The following ADAMTSL3 variants were observed in gnomAD, a reference collection of about 807,000 sequenced individuals.
ADAMTSL3 encodes ADAMTS like 3, also known as ADAMTS-like protein 3.
In ADAMTSL3, 128 loss-of-function variants were observed where a neutral mutation model predicts 201.7. That is an observed-to-expected ratio of 0.63 (90% confidence interval 0.55 to 0.73). ADAMTSL3 has a LOEUF of 0.73. Ranked by LOEUF, ADAMTSL3 falls within the 30% of genes least tolerant of loss-of-function variation. The pLI, the probability that ADAMTSL3 is intolerant of heterozygous loss-of-function variation, is 0.00. For missense variants in ADAMTSL3, 1,990 were observed against 2,119.6 expected, an observed-to-expected ratio of 0.94 and a Z score of 1.20; for synonymous variants, 738 against 748.4, an observed-to-expected ratio of 0.99 and a Z score of 0.23.
intron 3 of ADAMTSL3, among the ~76,000 whole-genome samples, chr15:83,769,167 A>G (rs2062938338): frequency 6.6e-6 from 1 of 152,120 alleles, no homozygotes; most frequent in African/African-American, 2.4e-5. Context: ...AACTGAACAG[A>G]TGGAATAGTG....
intron 3 of ADAMTSL3, among the ~76,000 whole-genome samples, chr15:83,749,990 C>T (rs1273256093): frequency 1.3e-5 from 2 of 152,194 alleles, no homozygotes; most frequent in African/African-American, 2.4e-5. Context: ...CCTTCAACTG[C>T]GTGCTCATTG....
intron 4 of ADAMTSL3, among the ~76,000 whole-genome samples, chr15:83,786,913 G>A (rs961487907): frequency 1.3e-5 from 2 of 151,978 alleles, no homozygotes; most frequent in Non-Finnish European, 2.9e-5. Context: ...TTTTGAGAAG[G>A]GATAATGACT....
intron 15 of ADAMTSL3, 121 bp downstream of exon 15, chr15:83,899,852 A>C: frequency 7.6e-7 from 1 of 1,310,488 alleles, no homozygotes; most frequent in Non-Finnish European, 1.0e-6. Context: ...GGATTTACAG[A>C]CTCTAGAGAG....
intron 23 of ADAMTSL3, among the ~76,000 whole-genome samples, chr15:83,991,752 C>G (rs951157045): frequency 6.6e-6 from 1 of 152,206 alleles, no homozygotes; most frequent in African/African-American, 2.4e-5. Flanking sequence ...CAACTGCAGA[C>G]AAACCTCCTT....
intron 2 of ADAMTSL3, among the ~76,000 whole-genome samples, chr15:83,685,676 A>G (rs1002537922): frequency 3.1e-4 from 47 of 152,182 alleles, no homozygotes; most frequent in African/African-American, 1.1e-3. Flanking sequence ...GCTGTGCCAC[A>G]TTCTAACTGT....
chr15:83,908,255 T>G (rs1435172999), intron 15 of ADAMTSL3, among the ~76,000 whole-genome samples: 5 of 152,340 alleles, frequency 3.3e-5, no homozygotes, highest in Non-Finnish European at 7.4e-5. Context: ...CTTTGGTTAC[T>G]TGTCTGTACC....
At chr15:83,971,201 C>G (rs1424541787) in intron 20 of ADAMTSL3, among the ~76,000 whole-genome samples, 1 of 152,096 alleles carries the variant, frequency 6.6e-6, no homozygotes, top group Non-Finnish European at 1.5e-5. Context: ...ATGTAGCATT[C>G]ATCTGTATTT....
At chr15:83,900,637 G>C in intron 15 of ADAMTSL3, among the ~76,000 whole-genome samples, 1 of 152,220 alleles carries the variant, frequency 6.6e-6, no homozygotes, top group African/African-American at 2.4e-5. Context: ...TTTCCCTCTC[G>C]GAGCAGGCAT....
chr15:83,968,120 T>A (rs1192405279), intron 19 of ADAMTSL3, among the ~76,000 whole-genome samples: 1 of 152,162 alleles, frequency 6.6e-6, no homozygotes, highest in African/African-American at 2.4e-5. Context: ...GACATAGACA[T>A]GGGCAAAGAC....
intron 6 of ADAMTSL3, among the ~76,000 whole-genome samples, chr15:83,829,034 G>T (rs1371016621): frequency 1.3e-5 from 2 of 152,172 alleles, no homozygotes; most frequent in Admixed American, 6.5e-5. Flanking sequence ...GATGATGCTG[G>T]CCTCATAAAA....
intron 19 of ADAMTSL3, among the ~76,000 whole-genome samples, chr15:83,955,499 A>G (rs1291883602): frequency 1.3e-5 from 2 of 151,920 alleles, no homozygotes. Flanking sequence ...AGCCCACTAG[A>G]TACTCTATCC....
intron 5 of ADAMTSL3, among the ~76,000 whole-genome samples, chr15:83,811,641 C>T (rs1372545357): frequency 1.3e-5 from 2 of 152,104 alleles, no homozygotes; most frequent in African/African-American, 4.8e-5. Flanking sequence ...ATTTATGGTC[C>T]CTCTGGGAGA....
intron 1 of ADAMTSL3, among the ~76,000 whole-genome samples, chr15:83,655,241 C>G (rs2061062721): frequency 6.6e-6 from 1 of 152,166 alleles, no homozygotes; most frequent in African/African-American, 2.4e-5. Context: ...TGTCATCTAG[C>G]GAGGAAAGCC....
At chr15:83,898,124 T>TC in intron 14 of ADAMTSL3, 119 bp downstream of exon 14, 2 of 1,163,550 alleles carry the variant, frequency 1.7e-6, no homozygotes, top group Non-Finnish European at 2.4e-6. Flanking sequence ...TATTGACAGA[T>TC]TGCAATAGAC....
At chr15:83,777,724 A>G (rs1377554626) in intron 4 of ADAMTSL3, among the ~76,000 whole-genome samples, 2 of 152,240 alleles carry the variant, frequency 1.3e-5, no homozygotes, top group African/African-American at 2.4e-5. Context: ...CTTCTTTCCA[A>G]CAGATGACCA....
In ADAMTSL3 at chr15:83,654,708, G is replaced by C. The variant is rs973174182; in HGVS notation, c.-34+432G>C. ...GTGGAAAGTGGGCGTGGGGGTGACC[G>C]GGACGCGGCGGAGGCACTGGAGGAG... On this transcript the variant is annotated intron_variant, in intron 1 of 29. Coordinates refer to ENST00000286744, the MANE Select transcript of ADAMTSL3 (RefSeq NM_207517.3). The surrounding 1 kb of genome is among the most constrained non-coding windows in gnomAD (Gnocchi z 5.3). 2.6e-5 allele frequency among the ~76,000 whole-genome samples: 4 copies of C among 152,116 alleles called. No individual in the cohort carries two copies. Among genetic ancestry groups the C allele is most frequent in the Non-Finnish European group, 5.9e-5 (4 of 68,010 alleles).
intron 13 of ADAMTSL3, among the ~76,000 whole-genome samples, chr15:83,897,086 A>G (rs2065630525): frequency 6.6e-6 from 1 of 152,204 alleles, no homozygotes. Context: ...TTACAATTCA[A>G]GATGAGATTT....
rs775532893 is a variant in ADAMTSL3 at position 84,021,577 on chromosome 15, C to T, written c.4441C>T (p.Arg1481Trp). 1.4e-5 allele frequency: 23 copies of T among 1,613,858 alleles called. No individual in the cohort carries two copies. Among genetic ancestry groups the T allele is most frequent in the East Asian group, 4.5e-5 (2 of 44,892 alleles). ...GGCTGGGTTTGAGCCCTGTAACATC[C>T]GGGACTGCCCAGCGAGGTAAGTGAA... ...PLAGFEPCNIRDCPARWFTSV... is the reference protein window; with the variant it reads ...PLAGFEPCNIWDCPARWFTSV... Residue 1481 changes from arginine (R) to tryptophan (W), a missense_variant, in exon 26 of 30, where the codon CGG becomes TGG. Arg to Trp is a moderately radical substitution (Grantham distance 101, BLOSUM62 -3). Transcript: ENST00000286744.
chr15:83,802,933 A>T (rs2063547246), intron 4 of ADAMTSL3, among the ~76,000 whole-genome samples: 1 of 152,226 alleles, frequency 6.6e-6, no homozygotes, highest in Admixed American at 6.5e-5. Flanking sequence ...ACACTGAACC[A>T]CACACTAAAA....
Sources: gnomAD v4.1 joint callset for allele counts (sites outside exome capture counted in the v4.1 genomes callset) on GRCh38, gnomAD v4.1.1 for gene constraint, Gnocchi (gnomAD v3.1) non-coding constraint, MANE v1.5 for transcripts, NCBI Gene and HGNC (gene_info 2026-07-23, HGNC 2026-07-21) for gene names.